The following PDE7B variants were observed in gnomAD, a reference collection of about 807,000 sequenced individuals.
PDE7B encodes the protein 3',5'-cyclic-AMP phosphodiesterase 7B.
A neutral mutation model predicts 56.2 loss-of-function variants in PDE7B; 29 were observed. That is an observed-to-expected ratio of 0.52 (90% CI 0.38 to 0.70). PDE7B has a LOEUF of 0.70. Among genes scored for constraint, PDE7B ranks in the 30% least tolerant of loss-of-function variants. The pLI, the probability that PDE7B is intolerant of heterozygous loss-of-function variation, is 0.00. For synonymous variants in PDE7B, 197 were observed against 196.9 expected, an observed-to-expected ratio of 1.00 and a Z score of 0.00; for missense variants, 490 against 565.0, an observed-to-expected ratio of 0.87 and a Z score of 1.35.
At chr6:136,104,186 A>G (rs532600884) in intron 2 of PDE7B, among the ~76,000 whole-genome samples, 48 of 145,312 alleles carry the variant, frequency 3.3e-4, no homozygotes, top group African/African-American at 1.4e-3. Context: ...GGCAAAAAAA[A>G]GCAGCAGCCT....
intron 2 of PDE7B, among the ~76,000 whole-genome samples, chr6:136,003,616 T>A (rs1170690224): frequency 6.6e-6 from 1 of 152,132 alleles, no homozygotes; most frequent in Non-Finnish European, 1.5e-5. Context: ...AATGGATAAA[T>A]TCCTGGACAC....
At chr6:136,139,159 C>T (rs1000592396) in intron 3 of PDE7B, among the ~76,000 whole-genome samples, 6 of 152,114 alleles carry the variant, frequency 3.9e-5, no homozygotes, top group Non-Finnish European at 8.8e-5. Context: ...GTGATGTTCG[C>T]CCTCCTGTGT....
At position 136,181,336 on chromosome 6, in the gene PDE7B, C is replaced by T. The variant is rs369426555; in HGVS notation, c.1045+13C>T. The T allele has an allele frequency of 3.1e-4, 461 of 1,494,904 alleles. 5 individuals carry two copies. The South Asian group carries it at 3.4e-3, about 11-fold the overall frequency. 92.6% of individuals were successfully genotyped at this position (1,494,904 alleles called of 1,614,324 possible). On this transcript the variant is annotated intron_variant, in intron 11 of 12. Transcript: ENST00000308191. ...TTCTACAGGCAAGGTTAGTAGTGATCCAACAGCTGAGATTTCATTGCCCTG... is the reference window on the plus strand; with the variant it reads ...TTCTACAGGCAAGGTTAGTAGTGATTCAACAGCTGAGATTTCATTGCCCTG...
intron 2 of PDE7B, among the ~76,000 whole-genome samples, chr6:135,971,934 G>A (rs1775100504): frequency 6.6e-6 from 1 of 152,212 alleles, no homozygotes; most frequent in South Asian, 2.1e-4. Context: ...TGTGCATAAC[G>A]CTATAGTAAA....
At chr6:136,158,056 A>G (rs1038214) in intron 8 of PDE7B, among the ~76,000 whole-genome samples, 64,793 of 152,054 alleles carry the variant, frequency 0.43, 14,065 homozygotes, top group Admixed American at 0.54. Context: ...AACTGGCAGA[A>G]ATCTTCAAGT....
chr6:136,073,752 C>T (rs1777086370), intron 2 of PDE7B, among the ~76,000 whole-genome samples: 1 of 152,114 alleles, frequency 6.6e-6, no homozygotes. Flanking sequence ...ATTTTTACAG[C>T]CACACATAGT....
At chr6:135,868,629 G>T (rs1583719002) in intron 1 of PDE7B, among the ~76,000 whole-genome samples, 1 of 152,024 alleles carries the variant, frequency 6.6e-6, no homozygotes, top group South Asian at 2.1e-4. Context: ...ACAGGATTTT[G>T]CCCTGTTGGC....
intron 3 of PDE7B, among the ~76,000 whole-genome samples, chr6:136,136,548 AAAT>A (rs763336013): frequency 3.9e-5 from 6 of 152,076 alleles, no homozygotes; most frequent in Non-Finnish European, 8.8e-5. Flanking sequence ...TACATTGAAA[AAAT>A]AACTAAAAGA....
At chr6:135,935,847 G>T (rs534009470) in intron 1 of PDE7B, among the ~76,000 whole-genome samples, 10 of 152,316 alleles carry the variant, frequency 6.6e-5, no homozygotes, top group Admixed American at 1.3e-4. Context: ...AGAATTTAAG[G>T]AAATTTCCTT....
At chr6:135,870,672 A>G (rs772587875) in intron 1 of PDE7B, among the ~76,000 whole-genome samples, 42 of 152,066 alleles carry the variant, frequency 2.8e-4, no homozygotes, top group Non-Finnish European at 4.7e-4. Context: ...GATGCAGGAA[A>G]TAAGAGTTGT....
intron 1 of PDE7B, among the ~76,000 whole-genome samples, chr6:135,911,408 A>G (rs1258083246): frequency 1.3e-5 from 2 of 152,248 alleles, no homozygotes; most frequent in Non-Finnish European, 2.9e-5. Context: ...CTCTTTTTCT[A>G]TAACCAAGGA....
At chr6:136,174,246 T>C (rs1211457462) in intron 9 of PDE7B, among the ~76,000 whole-genome samples, 1 of 152,174 alleles carries the variant, frequency 6.6e-6, no homozygotes, top group African/African-American at 2.4e-5. Flanking sequence ...TAAATATTTA[T>C]CAAGAAGGAA....
chr6:136,177,674 G>C (rs1207757459), intron 9 of PDE7B, among the ~76,000 whole-genome samples: 1 of 152,084 alleles, frequency 6.6e-6, no homozygotes, highest in African/African-American at 2.4e-5. Context: ...CTACTGCTGG[G>C]AGCAAAAATT....
Position 136,020,368 on chromosome 6 carries a change from C to G in PDE7B, c.82+72844C>G, listed in dbSNP as rs988458726. Reference sequence around the variant, plus strand: ...ATTAAAGCTAAAGATTTCATTTCTACTAGCCTTTTTATATATGTGTGTATC... The same window carrying G: ...ATTAAAGCTAAAGATTTCATTTCTAGTAGCCTTTTTATATATGTGTGTATC... On this transcript the variant is annotated intron_variant, in intron 2 of 12. Coordinates refer to ENST00000308191, the MANE Select transcript of PDE7B (RefSeq NM_018945.4). Among the ~76,000 whole-genome samples, 10 of 152,302 alleles carry G rather than the reference C, an allele frequency of 6.6e-5. No homozygotes were observed. In the South Asian group the frequency reaches 1.2e-3, roughly 19 times the overall value.
chr6:135,912,607 G>A (rs1464680125), intron 1 of PDE7B, among the ~76,000 whole-genome samples: 1 of 152,100 alleles, frequency 6.6e-6, no homozygotes, highest in East Asian at 1.9e-4. Flanking sequence ...ACAAGCAGGA[G>A]AGATCACTGG....
At chr6:135,892,078 C>CAATAATA (rs1380639690) in intron 1 of PDE7B, among the ~76,000 whole-genome samples, 1 of 152,058 alleles carries the variant, frequency 6.6e-6, no homozygotes, top group African/African-American at 2.4e-5. Flanking sequence ...TTACTATGTA[C>CAATAATA]CCAGTGAGTT....
chr6:135,973,633 T>C (rs1775132748), intron 2 of PDE7B, among the ~76,000 whole-genome samples: 1 of 152,166 alleles, frequency 6.6e-6, no homozygotes, highest in Admixed American at 6.5e-5. Flanking sequence ...TCACCAACAT[T>C]TGTTGTCTTT....
At position 136,114,388 on chromosome 6, in the gene PDE7B, TTCTTTGACATATAAAACACACTC is replaced by T. The variant is rs543771966; in HGVS notation, c.166+5600_166+5622del. Among the ~76,000 whole-genome samples the T allele has an allele frequency of 6.6e-4, 100 of 152,262 alleles. No homozygotes were observed. The Middle Eastern group carries it at 0.014, about 21-fold the overall frequency. On this transcript the variant is annotated intron_variant, in intron 3 of 12. Coordinates refer to ENST00000308191, the MANE Select transcript of PDE7B (RefSeq NM_018945.4). ...ACATATTATACCCTGCAGCCATTCT[TTCTTTGACATATAAAACACACTC>T]TCTTTGACATATAAAACACACTCTC...
chr6:136,063,495 A>G (rs984215070), intron 2 of PDE7B, among the ~76,000 whole-genome samples: 1 of 152,194 alleles, frequency 6.6e-6, no homozygotes, highest in Non-Finnish European at 1.5e-5. Flanking sequence ...CACCTAGACT[A>G]CTGCAGTAGT....
Sources: gnomAD v4.1 joint callset for allele counts (sites outside exome capture counted in the v4.1 genomes callset) on GRCh38, gnomAD v4.1.1 for gene constraint, MANE v1.5 for transcripts, NCBI Gene and HGNC (gene_info 2026-07-23, HGNC 2026-07-21) for gene names.